The following FGF18 variants were observed in gnomAD, a reference collection of about 807,000 sequenced individuals.
FGF18 encodes the protein fibroblast growth factor 18.
In FGF18, 5 loss-of-function variants were observed where a neutral mutation model predicts 23.0. That is an observed-to-expected ratio of 0.22 (90% CI 0.11 to 0.46). FGF18 has a LOEUF of 0.46. Ranked by LOEUF, FGF18 falls within the 20% of genes least tolerant of loss-of-function variation. The pLI, the probability that FGF18 is intolerant of heterozygous loss-of-function variation, is 0.99. For synonymous variants in FGF18, 117 were observed against 118.9 expected, an observed-to-expected ratio of 0.98 and a Z score of 0.10; for missense variants, 180 against 291.6, an observed-to-expected ratio of 0.62 and a Z score of 2.79.
chr5:171,421,510 T>C (rs2113323596), intron 2 of FGF18, among the ~76,000 whole-genome samples: 1 of 152,330 alleles, frequency 6.6e-6, no homozygotes, highest in Admixed American at 6.5e-5. Context: ...TCTTAGACCT[T>C]AGCCTTCTGG....
chr5:171,435,628 C>T (rs1234696199), intron 2 of FGF18, among the ~76,000 whole-genome samples: 1 of 152,168 alleles, frequency 6.6e-6, no homozygotes, highest in Middle Eastern at 3.4e-3. Context: ...CTTTCCAGGC[C>T]TCCTTCTTTC....
chr5:171,443,501 ATTTTTTTT>A (rs59576538), intron 3 of FGF18, among the ~76,000 whole-genome samples: 9 of 63,740 alleles, frequency 1.4e-4, no homozygotes, highest in Admixed American at 2.8e-4. Flanking sequence ...TGTTATCATC[ATTTTTTTT>A]TTTTTTTTTT....
intron 3 of FGF18, among the ~76,000 whole-genome samples, chr5:171,442,349 T>C (rs1447639516): frequency 6.6e-6 from 1 of 152,146 alleles, no homozygotes; most frequent in African/African-American, 2.4e-5. Flanking sequence ...TCTCCCCCTC[T>C]CAAGATCTGG....
intron 2 of FGF18, among the ~76,000 whole-genome samples, chr5:171,426,624 G>T (rs1044903166): frequency 6.6e-6 from 1 of 152,240 alleles, no homozygotes; most frequent in East Asian, 1.9e-4. Context: ...CAAGGATGGG[G>T]CCAAAGACAA....
chr5:171,438,104 T>C (rs944101435), intron 3 of FGF18, among the ~76,000 whole-genome samples: 122 of 150,048 alleles, frequency 8.1e-4, no homozygotes, highest in African/African-American at 2.8e-3. Context: ...CTTTTCTTTT[T>C]TTTTTTTTTT....
chr5:171,456,838 G>A lies in FGF18; in HGVS notation c.*33G>A, dbSNP rs1020977732. On this transcript the variant is annotated 3_prime_UTR_variant, in exon 5 of 5. Transcript: ENST00000274625. This position sits in a 1 kb window ranked among gnomAD's most constrained non-coding sequence, Gnocchi z 6.1. ...CGCCGCGGCCCCTCAGGTCGCCCTG[G>A]CCACACTCACACTCCCAGAAAACTG... The A allele has an allele frequency of 3.8e-6, 6 of 1,579,380 alleles. No individual in the cohort carries two copies. The highest frequency in any genetic ancestry group is 2.7e-5 in the African/African-American group (2 of 73,280).
chr5:171,421,977 T>C (rs4597987), intron 2 of FGF18, among the ~76,000 whole-genome samples: 152,041 of 152,168 alleles, frequency 1, 75,958 homozygotes, highest in Middle Eastern at 1. Flanking sequence ...GGGCAGGCCC[T>C]GGGGTCACTC....
At chr5:171,427,644 T>C (rs1201905328) in intron 2 of FGF18, among the ~76,000 whole-genome samples, 1 of 152,250 alleles carries the variant, frequency 6.6e-6, no homozygotes, top group African/African-American at 2.4e-5. Context: ...TCAAATATAG[T>C]GTTGCTCGTC....
At position 171,456,406 on chromosome 5, in the gene FGF18, C is replaced by A; in HGVS notation, c.358-133C>A. ...TTCAGAGTTAAGCTCAATCTCTCTC[C>A]CCCACTGCAAAACTTCATTACAGTT... On this transcript the variant is annotated intron_variant, in intron 4 of 4. Transcript: ENST00000274625. The surrounding 1 kb of genome is among the most constrained non-coding windows in gnomAD (Gnocchi z 6.1). The A allele has an allele frequency of 1.2e-6, 1 of 830,584 alleles. No homozygotes were observed. The highest frequency in any genetic ancestry group is 1.9e-6 in the Non-Finnish European group (1 of 534,850). The allele number at this position is 830,584 out of a possible 1,614,324, so 51.5% of individuals were successfully genotyped here.
Position 171,427,148 on chromosome 5 carries a change from G to A in FGF18, c.69+6705G>A, listed in dbSNP as rs1468199506. On this transcript the variant is annotated intron_variant, in intron 2 of 4. Transcript: ENST00000274625. ...CTTGAACCTGGGAGACGGAGGTTGC[G>A]GTGAGCCAAGATCACGCCACTGCAC... 2.6e-5 allele frequency among the ~76,000 whole-genome samples: 4 copies of A among 151,586 alleles called. No homozygotes were observed. In the South Asian group the frequency reaches 6.3e-4, roughly 24 times the overall value.
chr5:171,428,890 A>T (rs1052908851), intron 2 of FGF18, among the ~76,000 whole-genome samples: 2 of 152,176 alleles, frequency 1.3e-5, no homozygotes, highest in African/African-American at 4.8e-5. Context: ...GATGATCTGT[A>T]CCATGAAGGC....
chr5:171,423,010 C>T (rs1456201713), intron 2 of FGF18, among the ~76,000 whole-genome samples: 2 of 152,200 alleles, frequency 1.3e-5, no homozygotes, highest in African/African-American at 2.4e-5. Context: ...GAAATGGATG[C>T]GCCTACGCCC....
rs541617226 is a variant in FGF18, at chr5:171,437,534, G to A, written c.250+1261G>A. Among the ~76,000 whole-genome samples, 18 of 152,038 alleles carry A rather than the reference G, an allele frequency of 1.2e-4. 1 individual carries two copies. The highest frequency in any genetic ancestry group is 5.8e-4 in the East Asian group (3 of 5,166). On this transcript the variant is annotated intron_variant, in intron 3 of 4. Coordinates refer to ENST00000274625, the MANE Select transcript of FGF18 (RefSeq NM_003862.3). ...CTTCTTCCTTTCGCAGCTTTTCCCC[G>A]TTCCCCGTTTTGTTTTTGTCCACCT...
intron 4 of FGF18, among the ~76,000 whole-genome samples, chr5:171,452,002 C>T (rs989172654): frequency 4.6e-5 from 7 of 152,206 alleles, no homozygotes; most frequent in South Asian, 2.1e-4. Flanking sequence ...TCCCTGAGGG[C>T]GGATTCTGCA....
chr5:171,449,319 A>C, intron 4 of FGF18, 66 bp downstream of exon 4: 1 of 1,012,584 alleles, frequency 9.9e-7, no homozygotes, highest in Non-Finnish European at 1.5e-6. Flanking sequence ...GAGCTGGAAC[A>C]ATGTGTCCAG....
In FGF18 at chr5:171,420,085, GAGC is replaced by G. The variant is rs1035393709; in HGVS notation, c.-105_-103del. ...GCAGCAGCAGCAGCCGGCGAGGAGG[GAGC>G]AGCAGCAGCGGCGGCGGCGGCGGCG... is the stretch of plus-strand genomic sequence containing the variant. On this transcript the variant is annotated 5_prime_UTR_variant, in exon 1 of 5. Coordinates refer to ENST00000274625, the MANE Select transcript of FGF18 (RefSeq NM_003862.3). The G allele has an allele frequency of 1.6e-4, 139 of 847,060 alleles. No individual in the cohort carries two copies. Among genetic ancestry groups the G allele is most frequent in the South Asian group, 4.5e-4 (12 of 26,834 alleles). The allele number at this position is 847,060 out of a possible 1,614,324, so 52.5% of individuals were successfully genotyped here. A position where few individuals can be genotyped will look rare whatever the true frequency, so the allele number is the denominator to read the frequency against.
intron 2 of FGF18, among the ~76,000 whole-genome samples, chr5:171,424,866 G>A (rs968395345): frequency 6.6e-6 from 1 of 151,986 alleles, no homozygotes; most frequent in African/African-American, 2.4e-5. Context: ...GGAGGGGGAG[G>A]GGAGGGGGCG....
rs1044647561 is a variant in FGF18 at position 171,432,390 on chromosome 5, A to G, written c.70-3703A>G. ...CTTCTTCTTCTTCTTTTTTATAAAA[A>G]TTATATTTACTTATTTATTCATTTA... On this transcript the variant is annotated intron_variant, in intron 2 of 4. Transcript: ENST00000274625. 4.6e-5 allele frequency among the ~76,000 whole-genome samples: 7 copies of G among 152,028 alleles called. 1 individual carries two copies. Among genetic ancestry groups the G allele is most frequent in the Non-Finnish European group, 8.8e-5 (6 of 68,010 alleles).
At chr5:171,444,060 C>CT (rs1344441919) in intron 3 of FGF18, among the ~76,000 whole-genome samples, 1 of 31,972 alleles carries the variant, frequency 3.1e-5, no homozygotes, top group African/African-American at 1.4e-4. Context: ...CTGAGGGTTT[C>CT]CCATCTCCCG....
Sources: allele counts gnomAD v4.1 joint callset (sites outside exome capture counted in the v4.1 genomes callset), GRCh38; gene constraint gnomAD v4.1.1; non-coding constraint Gnocchi (gnomAD v3.1); transcripts MANE v1.5; gene names NCBI Gene and HGNC (gene_info 2026-07-23, HGNC 2026-07-21).